CBR4: variants seen among roughly 807,000 people sequenced by gnomAD.
CBR4 encodes carbonyl reductase 4.
A neutral mutation model predicts 21.0 loss-of-function variants in CBR4; 22 were observed. The ratio of observed to expected loss-of-function variants is 1.05; its 90% CI spans 0.75 to 1.50. CBR4 has a LOEUF of 1.50. Ranked by LOEUF, CBR4 falls within the 40% of genes most tolerant of loss-of-function variation. CBR4 has a pLI of 0.00. For missense variants in CBR4, 302 were observed against 286.3 expected, an observed-to-expected ratio of 1.05 and a Z score of -0.40; for synonymous variants, 100 against 104.4, an observed-to-expected ratio of 0.96 and a Z score of 0.26.
intron 2 of CBR4, among the ~76,000 whole-genome samples, chr4:168,974,337 G>T (rs939292414): frequency 9.9e-5 from 15 of 152,148 alleles, no homozygotes; most frequent in African/African-American, 2.9e-4. Flanking sequence ...CACAGCTCTT[G>T]AGATTCTTTA....
chr4:168,917,813 A>T (rs960337645), intron 2 of CBR4, among the ~76,000 whole-genome samples: 2 of 152,154 alleles, frequency 1.3e-5, no homozygotes, highest in Non-Finnish European at 2.9e-5. Flanking sequence ...TATATATATG[A>T]GTGTGTATTC....
At chr4:169,004,319 T>C (rs1027522361) in intron 3 of CBR4, among the ~76,000 whole-genome samples, 1 of 152,182 alleles carries the variant, frequency 6.6e-6, no homozygotes, top group African/African-American at 2.4e-5. Flanking sequence ...GACCATAATA[T>C]AACTTTTACA....
chr4:168,970,363 T>A (rs1220327149), intron 2 of CBR4, among the ~76,000 whole-genome samples: 1 of 152,218 alleles, frequency 6.6e-6, no homozygotes, highest in Non-Finnish European at 1.5e-5. Context: ...AGTACTTTTT[T>A]CCATCTGGAA....
chr4:168,981,205 G>GC (rs1267115749), intron 2 of CBR4, among the ~76,000 whole-genome samples: 2 of 152,108 alleles, frequency 1.3e-5, no homozygotes, highest in Non-Finnish European at 2.9e-5. Flanking sequence ...TTCAAGACCA[G>GC]CCTGGCCAAC....
At chr4:168,901,766 G>T (rs777807974) in intron 2 of CBR4, among the ~76,000 whole-genome samples, 2 of 152,194 alleles carry the variant, frequency 1.3e-5, no homozygotes, top group Non-Finnish European at 2.9e-5. Flanking sequence ...GCTGAGGCAA[G>T]AGATTCACTT....
intron 4 of CBR4, among the ~76,000 whole-genome samples, chr4:168,997,827 A>T (rs1003726064): frequency 6.6e-6 from 1 of 152,116 alleles, no homozygotes; most frequent in African/African-American, 2.4e-5. Context: ...GCCAGATAAG[A>T]TGTCCACTCT....
rs576386448 is a variant in CBR4 at position 168,959,798 on chromosome 4, C to T, written n.169+42273G>A. Among the ~76,000 whole-genome samples, 178 of 150,744 alleles carry T rather than the reference C, an allele frequency of 1.2e-3. 1 individual carries two copies. The Middle Eastern group carries it at 0.038, about 32-fold the overall frequency. ...CAGGCTGGTCTCAAACTCCTGACCT[C>T]GTAATCCACCTGCCTCGGCCTCCCA... is the stretch of plus-strand genomic sequence containing the variant. On this transcript the variant is annotated intron_variant and non_coding_transcript_variant, in intron 2 of 3. Transcript: ENST00000509108.
intron 2 of CBR4, among the ~76,000 whole-genome samples, chr4:168,923,920 A>G (rs934911293): frequency 2.6e-5 from 2 of 76,816 alleles, no homozygotes; most frequent in Non-Finnish European, 6.8e-5. Flanking sequence ...AATGATCGGT[A>G]ACATAATCAC....
At chr4:168,986,208 G>A (rs1166901068), downstream of CBR4, among the ~76,000 whole-genome samples, 2 of 152,096 alleles carry the variant, frequency 1.3e-5, no homozygotes, top group African/African-American at 4.8e-5. Context: ...TAAAGTATAT[G>A]GGAGGATATG....
At chr4:168,917,982 C>CTT (rs1560921275) in intron 2 of CBR4, among the ~76,000 whole-genome samples, 1 of 151,912 alleles carries the variant, frequency 6.6e-6, no homozygotes. Context: ...GGGCGGATCA[C>CTT]GAGGTCAGGA....
intron 2 of CBR4, among the ~76,000 whole-genome samples, chr4:168,934,164 G>A (rs1423180288): frequency 2.0e-5 from 3 of 151,258 alleles, no homozygotes; most frequent in Non-Finnish European, 4.4e-5. Context: ...CTCGGGCCAG[G>A]TTGCTTTGAG....
At chr4:168,955,690 C>T (rs1219000943) in intron 2 of CBR4, among the ~76,000 whole-genome samples, 1 of 152,090 alleles carries the variant, frequency 6.6e-6, no homozygotes, top group African/African-American at 2.4e-5. Context: ...CAACCTGCCC[C>T]AACTATGGAT....
chr4:169,009,159 G>A (rs1208965294), intron 1 of CBR4: 5 of 413,144 alleles, frequency 1.2e-5, no homozygotes, highest in Admixed American at 9.8e-5. Context: ...AGTAAATGAA[G>A]TATAATTTTG....
At chr4:168,919,359 A>C (rs1318993049) in intron 2 of CBR4, among the ~76,000 whole-genome samples, 1 of 152,028 alleles carries the variant, frequency 6.6e-6, no homozygotes, top group Non-Finnish European at 1.5e-5. Flanking sequence ...CCCCGTCTCT[A>C]CTAAAATACA....
intron 2 of CBR4, among the ~76,000 whole-genome samples, chr4:168,977,680 T>G (rs1452997580): frequency 2.0e-5 from 3 of 152,182 alleles, no homozygotes; most frequent in Admixed American, 2.0e-4. Context: ...CTATCCTATC[T>G]CCAAAGCACC....
chr4:168,905,756 T>C (rs1213358188), intron 2 of CBR4, among the ~76,000 whole-genome samples: 2 of 151,212 alleles, frequency 1.3e-5, no homozygotes, highest in Non-Finnish European at 2.9e-5. Context: ...ATTTGATATA[T>C]ATGAAGAAAC....
At chr4:168,991,538 G>A (rs1025726430) in intron 4 of CBR4, among the ~76,000 whole-genome samples, 1 of 152,100 alleles carries the variant, frequency 6.6e-6, no homozygotes, top group Non-Finnish European at 1.5e-5. Flanking sequence ...TTCAAATTCA[G>A]TAAAGCCTGC....
intron 2 of CBR4, among the ~76,000 whole-genome samples, chr4:168,970,733 A>G (rs925091483): frequency 6.6e-6 from 1 of 151,634 alleles, no homozygotes; most frequent in Non-Finnish European, 1.5e-5. Flanking sequence ...TTGGTTTTCC[A>G]TTCCTGAGTT....
chr4:168,911,956 T>C (rs1203203755), intron 2 of CBR4, among the ~76,000 whole-genome samples: 1 of 152,122 alleles, frequency 6.6e-6, no homozygotes, highest in African/African-American at 2.4e-5. Context: ...TCCTCATTCT[T>C]CTCCTGTCTG....
Sources: allele counts gnomAD v4.1 joint callset (sites outside exome capture counted in the v4.1 genomes callset), GRCh38; gene constraint gnomAD v4.1.1; transcripts MANE v1.5; gene names NCBI Gene and HGNC (gene_info 2026-07-23, HGNC 2026-07-21).